ZNF462: variants seen among roughly 807,000 people sequenced by gnomAD.
The protein encoded by ZNF462 is zinc finger protein 462.
In ZNF462, 10 loss-of-function variants were observed where a neutral mutation model predicts 201.9. That is an observed-to-expected ratio of 0.05 (90% CI 0.03 to 0.08). The LOEUF (loss-of-function observed/expected upper bound fraction) is 0.08, where lower values mean the gene tolerates loss of function less well. Among genes scored for constraint, ZNF462 ranks in the 10% least tolerant of loss-of-function variants. ZNF462 has a pLI of 1.00. For synonymous variants in ZNF462, 1,227 were observed against 1,193.3 expected, an observed-to-expected ratio of 1.03 and a Z score of -0.58; for missense variants, 2,523 against 3,168.3, an observed-to-expected ratio of 0.80 and a Z score of 4.89.
chr9:107,012,233 C>G lies in ZNF462; in HGVS notation c.*1203C>G, dbSNP rs1220647733. On this transcript the variant is annotated 3_prime_UTR_variant, in exon 13 of 13. Coordinates refer to ENST00000277225, the MANE Select transcript of ZNF462 (RefSeq NM_021224.6). Reference sequence around the variant, plus strand: ...TTGCCTGTCAAATTCACGCATTATCCGTCTCATAAATAATTTCTGTTAGGA... The same window carrying G: ...TTGCCTGTCAAATTCACGCATTATCGGTCTCATAAATAATTTCTGTTAGGA... 1.3e-5 allele frequency: 2 copies of G among 149,814 alleles called. No homozygotes were observed. The highest frequency in any genetic ancestry group is 3.0e-5 in the Non-Finnish European group (2 of 67,654). The allele number at this position is 149,814 out of a possible 1,614,324, so 9.3% of individuals were successfully genotyped here. A position where few individuals can be genotyped will look rare whatever the true frequency, so the allele number is the denominator to read the frequency against.
intron 7 of ZNF462, among the ~76,000 whole-genome samples, chr9:106,957,237 TGTC>T (rs1831620144): frequency 6.6e-6 from 1 of 152,092 alleles, no homozygotes; most frequent in Admixed American, 6.6e-5. Context: ...ATTTCAATAT[TGTC>T]GTGGCTCAGG....
chr9:106,861,866 G>A (rs1271169073), upstream of ZNF462, among the ~76,000 whole-genome samples: 2 of 152,176 alleles, frequency 1.3e-5, no homozygotes, highest in Non-Finnish European at 1.5e-5. Flanking sequence ...TCAACACCAT[G>A]ACACCTTATC....
Position 106,920,043 on chromosome 9 carries a change from C to T in ZNF462, c.-30-3311C>T, listed in dbSNP as rs1036874228. 6.6e-6 allele frequency among the ~76,000 whole-genome samples: 1 copy of T among 152,086 alleles called. No homozygotes were observed. The highest frequency in any genetic ancestry group is 2.1e-4 in the South Asian group (1 of 4,820). ...ATAGATATGAGATCAAAGCTTTTAA[C>T]TTAAAATCATAATTTTATAGCAGAT... is the stretch of plus-strand genomic sequence containing the variant. On this transcript the variant is annotated intron_variant, in intron 1 of 12. Transcript: ENST00000277225. This position sits in a 1 kb window ranked among gnomAD's most constrained non-coding sequence, Gnocchi z 4.3.
intron 1 of ZNF462, among the ~76,000 whole-genome samples, chr9:106,864,251 TGAG>T (rs1827227465): frequency 6.6e-6 from 1 of 151,580 alleles, no homozygotes; most frequent in Non-Finnish European, 1.5e-5. Flanking sequence ...CAGGAGCGGC[TGAG>T]GAGCTGTCTC....
At chr9:106,960,988 C>G (rs987538779) in intron 7 of ZNF462, among the ~76,000 whole-genome samples, 9 of 152,040 alleles carry the variant, frequency 5.9e-5, no homozygotes, top group Non-Finnish European at 7.4e-5. Flanking sequence ...ATAGGTAAAA[C>G]AGTGTATACA....
chr9:106,981,681 A>G lies in ZNF462; in HGVS notation c.6833-2505A>G, dbSNP rs187108153. ...ATGACTTTGTGTAAAATTCACTTAG[A>G]CACACATAGTGAAATTGGAAACTGC... On this transcript the variant is annotated intron_variant, in intron 9 of 12. Transcript: ENST00000277225. The surrounding 1 kb of genome is among the most constrained non-coding windows in gnomAD (Gnocchi z 4.0). Among the ~76,000 whole-genome samples the G allele has an allele frequency of 6.6e-5, 10 of 152,294 alleles. No individual in the cohort carries two copies. The highest frequency in any genetic ancestry group is 6.2e-4 in the South Asian group (3 of 4,820).
At chr9:106,951,328 T>C (rs1262349569) in intron 7 of ZNF462, among the ~76,000 whole-genome samples, 4 of 152,142 alleles carry the variant, frequency 2.6e-5, no homozygotes, top group Admixed American at 6.5e-5. Flanking sequence ...TAAATAGATA[T>C]CATCCACTAT....
rs1172343166 is a variant in ZNF462 at position 107,012,548 on chromosome 9, A to C, written c.*1518A>C. On this transcript the variant is annotated 3_prime_UTR_variant, in exon 13 of 13. Coordinates refer to ENST00000277225, the MANE Select transcript of ZNF462 (RefSeq NM_021224.6). ...AGACTAAATCTAAGCCTACATTTAT[A>C]ATATGTTCTGATTGTGAACAAAGGG... 6.7e-6 allele frequency: 1 copy of C among 148,548 alleles called. No homozygotes were observed. Among genetic ancestry groups the C allele is most frequent in the Non-Finnish European group, 1.5e-5 (1 of 67,594 alleles). The allele number at this position is 148,548 out of a possible 1,614,324, so 9.2% of individuals were successfully genotyped here. A position where few individuals can be genotyped will look rare whatever the true frequency, so the allele number is the denominator to read the frequency against.
chr9:106,871,257 A>G (rs1827578533), intron 1 of ZNF462, among the ~76,000 whole-genome samples: 1 of 152,244 alleles, frequency 6.6e-6, no homozygotes, highest in Non-Finnish European at 1.5e-5. Context: ...AGCTGCTATC[A>G]TGGTAGGGAA....
At chr9:106,987,884 T>C (rs952559697) in intron 10 of ZNF462, among the ~76,000 whole-genome samples, 2 of 152,198 alleles carry the variant, frequency 1.3e-5, no homozygotes, top group African/African-American at 4.8e-5. Context: ...TACATGTGGC[T>C]AGCCAATTAT....
rs1393251073 is a variant in ZNF462 at position 106,885,789 on chromosome 9, A to G, written c.-31+22434A>G. On this transcript the variant is annotated intron_variant, in intron 1 of 12. Transcript: ENST00000277225. The surrounding 1 kb of genome is among the most constrained non-coding windows in gnomAD (Gnocchi z 4.1). Reference sequence around the variant, plus strand: ...GGACAACTTGAAGTGGCTATCTTGCACATGGGACTGATGTTGAGGACTGCT... The same window carrying G: ...GGACAACTTGAAGTGGCTATCTTGCGCATGGGACTGATGTTGAGGACTGCT... Among the ~76,000 whole-genome samples, 1 of 152,214 alleles carries G rather than the reference A, an allele frequency of 6.6e-6. No individual in the cohort carries two copies. The highest frequency in any genetic ancestry group is 1.5e-5 in the Non-Finnish European group (1 of 68,026).
chr9:106,868,610 C>A (rs1827449736), intron 1 of ZNF462, among the ~76,000 whole-genome samples: 1 of 152,024 alleles, frequency 6.6e-6, no homozygotes, highest in Non-Finnish European at 1.5e-5. Context: ...TGTTTTAGGC[C>A]CTAGATCATT....
At chr9:106,875,673 T>A (rs1564070483) in intron 1 of ZNF462, among the ~76,000 whole-genome samples, 1 of 152,170 alleles carries the variant, frequency 6.6e-6, no homozygotes. Flanking sequence ...CCAAATGAAG[T>A]CAATGATTTC....
intron 8 of ZNF462, 144 bp from the exon 9 acceptor site, chr9:106,973,993 C>G (rs1826797717): frequency 1.8e-6 from 2 of 1,104,298 alleles, no homozygotes; most frequent in Non-Finnish European, 2.6e-6. Flanking sequence ...GGGTGGTCAA[C>G]AAACATGATG....
intron 10 of ZNF462, among the ~76,000 whole-genome samples, chr9:106,994,264 T>G (rs1249883973): frequency 6.6e-6 from 1 of 152,128 alleles, no homozygotes; most frequent in Non-Finnish European, 1.5e-5. Context: ...TTTGCCAGTT[T>G]GGGGAAAACA....
intron 1 of ZNF462, among the ~76,000 whole-genome samples, chr9:106,915,637 A>G (rs1046417152): frequency 2.6e-5 from 4 of 152,214 alleles, no homozygotes; most frequent in Non-Finnish European, 2.9e-5. Context: ...GGTTAGTTTG[A>G]TAAGAGAGAA....
chr9:106,899,243 G>T (rs111662677), intron 1 of ZNF462, among the ~76,000 whole-genome samples: 2,863 of 106,664 alleles, frequency 0.027, 166 homozygotes, highest in African/African-American at 0.14. Context: ...TGTGTGTGGG[G>T]GGGGGGGGGT....
At chr9:106,986,678 C>A (rs1476426210) in intron 10 of ZNF462, among the ~76,000 whole-genome samples, 1 of 152,110 alleles carries the variant, frequency 6.6e-6, no homozygotes, top group Non-Finnish European at 1.5e-5. Context: ...TGAGTAATTT[C>A]TTTAGTGGTG....
Position 106,885,064 on chromosome 9 carries a change from AG to A in ZNF462, c.-31+21710del, listed in dbSNP as rs1463954921. ...TATGTGTTCAACATAACCTTTCTAG[AG>A]AGATTTCTGCTTTAATCTCAATAAA... On this transcript the variant is annotated intron_variant, in intron 1 of 12. Transcript: ENST00000277225. This position sits in a 1 kb window ranked among gnomAD's most constrained non-coding sequence, Gnocchi z 4.1. Among the ~76,000 whole-genome samples the A allele has an allele frequency of 1.3e-5, 2 of 152,216 alleles. No individual in the cohort carries two copies. Among genetic ancestry groups the A allele is most frequent in the African/African-American group, 4.8e-5 (2 of 41,460 alleles).
Sources: allele counts gnomAD v4.1 joint callset (sites outside exome capture counted in the v4.1 genomes callset), GRCh38; gene constraint gnomAD v4.1.1; non-coding constraint Gnocchi (gnomAD v3.1); transcripts MANE v1.5; gene names NCBI Gene and HGNC (gene_info 2026-07-23, HGNC 2026-07-21).